NBPF15: variants seen among roughly 807,000 people sequenced by gnomAD.
NBPF15 encodes the protein NBPF family member NBPF15.
In NBPF15, 74 loss-of-function variants were observed where a neutral mutation model predicts 62.2. That is an observed-to-expected ratio of 1.19 (90% CI 0.99 to 1.44). The LOEUF (loss-of-function observed/expected upper bound fraction) is 1.44. Ranked by LOEUF, NBPF15 falls within the 40% of genes most tolerant of loss-of-function variation. The pLI is 0.00. For synonymous variants in NBPF15, 244 were observed against 209.7 expected, an observed-to-expected ratio of 1.16 and a Z score of -1.41; for missense variants, 790 against 550.0, an observed-to-expected ratio of 1.44 and a Z score of -4.36.
At chr1:144,451,953 A>T (rs1398730837) in intron 4 of NBPF15, among the ~76,000 whole-genome samples, 3 of 151,684 alleles carry the variant, frequency 2.0e-5, no homozygotes, top group Non-Finnish European at 4.4e-5. Flanking sequence ...AGAGTTAGAG[A>T]CCAACCTGGC....
intron 16 of NBPF15, among the ~76,000 whole-genome samples, chr1:144,427,438 C>A (rs1670552441): frequency 1.3e-5 from 2 of 148,840 alleles, no homozygotes; most frequent in East Asian, 3.9e-4. Flanking sequence ...AGCCCTGTCT[C>A]ATCAAATACT....
At chr1:144,444,267 AG>A (rs1184290444) in intron 6 of NBPF15, among the ~76,000 whole-genome samples, 1 of 145,866 alleles carries the variant, frequency 6.9e-6, no homozygotes, top group Non-Finnish European at 1.5e-5. Context: ...AAATATTAAG[AG>A]GAAAAAAAAA....
At chr1:144,426,207 T>G in intron 18 of NBPF15, 71 bp downstream of exon 18, 3 of 590,546 alleles carry the variant, frequency 5.1e-6, no homozygotes, top group Non-Finnish European at 8.6e-6. Context: ...TAAGGGCCAC[T>G]TGGAACAGGA....
rs781939985 is a variant in NBPF15 at position 144,423,176 on chromosome 1, A to C, written c.1850T>G (p.Met617Arg). The change falls in exon 22 of 22, where the codon ATG becomes AGG. Residue 617 changes from methionine to arginine, a missense_variant. Coordinates refer to ENST00000581897, the MANE Select transcript of NBPF15 (RefSeq NM_001385408.1). ...GAATGAGTCAGGTTGTTCAAAGTAC[A>C]TTGACGGAGTCGAATAACATCTATC... ...SLDRCYSTPSMYFEQPDSFQH... is the reference protein window; with the variant it reads ...SLDRCYSTPSRYFEQPDSFQH... The C allele has an allele frequency of 3.7e-6, 6 of 1,611,524 alleles. No homozygotes were observed. In the African/African-American group the frequency reaches 4.0e-5, roughly 11 times the overall value.
At position 144,427,838 on chromosome 1, in the gene NBPF15, C is replaced by A. The variant is rs1338938451; in HGVS notation, c.1193G>T (p.Gly398Val). The A allele has an allele frequency of 1.4e-6, 1 of 737,938 alleles. No individual in the cohort carries two copies. The highest frequency in any genetic ancestry group is 2.5e-5 in the East Asian group (1 of 39,594). The allele number at this position is 737,938 out of a possible 1,614,324, so 45.7% of individuals were successfully genotyped here. Residue 398 changes from glycine (G) to valine (V), a missense_variant, in exon 16 of 22, where the codon GGC becomes GTC. Physicochemically the swap from Gly to Val is moderately radical, Grantham distance 109. Coordinates refer to ENST00000581897, the MANE Select transcript of NBPF15 (RefSeq NM_001385408.1). ...AFYVLEQQRV[G>V]LAIDMDEIEK... ...CTCACCATCCATGTCAATAGCCAAG[C>A]CAACACGCTGTTGCTCCAATACGTA...
intron 16 of NBPF15, among the ~76,000 whole-genome samples, 160 bp from the exon 17 acceptor site, chr1:144,427,258 G>A (rs1553539455): frequency 6.8e-6 from 1 of 147,208 alleles, no homozygotes; most frequent in Non-Finnish European, 1.5e-5. Context: ...GATCACCATA[G>A]AGATTCCTTG....
intron 4 of NBPF15, among the ~76,000 whole-genome samples, chr1:144,452,015 G>A (rs1553545653): frequency 3.3e-5 from 5 of 151,270 alleles, no homozygotes; most frequent in Non-Finnish European, 7.4e-5. Flanking sequence ...AGCCAGGTGT[G>A]GTAGCAGGCG....
At chr1:144,441,944 G>T (rs1388227259) in intron 6 of NBPF15, among the ~76,000 whole-genome samples, 2 of 148,532 alleles carry the variant, frequency 1.3e-5, no homozygotes, top group African/African-American at 2.5e-5. Context: ...TCTCACTCAT[G>T]GGTGGGAACT....
chr1:144,445,346 TATATATATACAC>T (rs1471947415), intron 6 of NBPF15, among the ~76,000 whole-genome samples: 24 of 126,176 alleles, frequency 1.9e-4, no homozygotes, highest in African/African-American at 7.8e-4. Flanking sequence ...TATATATATA[TATATATATACAC>T]ACACACACAC....
At chr1:144,444,866 T>G (rs1311722445) in intron 6 of NBPF15, among the ~76,000 whole-genome samples, 5 of 151,996 alleles carry the variant, frequency 3.3e-5, no homozygotes, top group African/African-American at 4.8e-5. Context: ...CAGATCATTG[T>G]GCAGACACAG....
chr1:144,423,402 C>A lies in NBPF15; in HGVS notation c.1770-146G>T. ...GAGGTAAAAAAAAAAAATTTATTGCCTTTATGTTGGGATAGAACAGGGCCA... is the reference window on the plus strand; with the variant it reads ...GAGGTAAAAAAAAAAAATTTATTGCATTTATGTTGGGATAGAACAGGGCCA... On this transcript the variant is annotated intron_variant, in intron 21 of 21. Transcript: ENST00000581897. 3.9e-6 allele frequency: 6 copies of A among 1,536,682 alleles called. 1 individual carries two copies. The highest frequency in any genetic ancestry group is 1.2e-5 in the South Asian group (1 of 80,996).
intron 12 of NBPF15, 86 bp downstream of exon 12, chr1:144,435,025 T>G (rs1677192789): frequency 6.2e-7 from 1 of 1,609,952 alleles, no homozygotes; most frequent in Non-Finnish European, 8.5e-7. Flanking sequence ...TTTATTCAAA[T>G]GAATTTGTGT....
intron 6 of NBPF15, among the ~76,000 whole-genome samples, chr1:144,448,453 A>G (rs1553544784): frequency 6.6e-6 from 1 of 151,992 alleles, no homozygotes; most frequent in Non-Finnish European, 1.5e-5. Flanking sequence ...CTCATTTTCT[A>G]TGTACATAAA....
At chr1:144,448,115 A>G (rs1479977706) in intron 6 of NBPF15, among the ~76,000 whole-genome samples, 1 of 152,030 alleles carries the variant, frequency 6.6e-6, no homozygotes, top group African/African-American at 2.4e-5. Flanking sequence ...TCATAAAAGA[A>G]ATTCTTCACC....
chr1:144,453,308 T>C (rs1692344061), intron 4 of NBPF15, among the ~76,000 whole-genome samples: 1 of 151,650 alleles, frequency 6.6e-6, no homozygotes, highest in Non-Finnish European at 1.5e-5. Flanking sequence ...TAAATCCAGG[T>C]ATGCATGTTA....
At chr1:144,426,133 A>C (rs1669436798) in intron 18 of NBPF15, 145 bp downstream of exon 18, 2 of 635,922 alleles carry the variant, frequency 3.1e-6, no homozygotes, top group Non-Finnish European at 5.5e-6. Context: ...CTGAGACTAC[A>C]GTTTCATTAC....
chr1:144,452,079 G>C (rs1176496560), intron 4 of NBPF15, among the ~76,000 whole-genome samples: 3 of 151,584 alleles, frequency 2.0e-5, no homozygotes, highest in Non-Finnish European at 4.4e-5. Context: ...TTGAACTCAG[G>C]AGGTGGAGGT....
chr1:144,455,351 C>T (rs1382296593), intron 4 of NBPF15, among the ~76,000 whole-genome samples: 1 of 152,006 alleles, frequency 6.6e-6, no homozygotes, highest in Non-Finnish European at 1.5e-5. Flanking sequence ...GGGGAACTTA[C>T]ACCACCAGTA....
chr1:144,425,092 A>C (rs1668719120), intron 19 of NBPF15, among the ~76,000 whole-genome samples: 2 of 146,658 alleles, frequency 1.4e-5, no homozygotes, highest in African/African-American at 5.3e-5. Flanking sequence ...ACACACACAC[A>C]CACACACACA....
Sources: allele counts gnomAD v4.1 joint callset (sites outside exome capture counted in the v4.1 genomes callset), GRCh38; gene constraint gnomAD v4.1.1; transcripts MANE v1.5; gene names NCBI Gene and HGNC (gene_info 2026-07-23, HGNC 2026-07-21).